Variants in CPHXL observed in about 807,000 individuals in gnomAD.
CPHXL encodes the protein cytoplasmic polyadenylated homeobox-like protein.
rs1959373111 is a variant in CPHXL, at chr16:75,715,201, C to A, written c.241G>T (p.Ala81Ser). The A allele has an allele frequency of 5.0e-6, 2 of 398,844 alleles. No homozygotes were observed. Among genetic ancestry groups the A allele is most frequent in the Non-Finnish European group, 8.8e-6 (2 of 226,200 alleles). 24.7% of individuals were successfully genotyped at this position (398,844 alleles called of 1,614,324 possible). A position where few individuals can be genotyped will look rare whatever the true frequency, so the allele number is the denominator to read the frequency against. ...VIDNWFQNKR[A>S]RLPPAERRRI... is the part of the protein sequence containing the mutation. The stretch of plus-strand genomic sequence containing the variant: ...CGTCTTTCTGCAGGTGGAAGTCTGG[C>A]TCTTTTATTCTGGAACCAATTCTAG... Residue 81 changes from alanine to serine, a missense_variant, in exon 3 of 3, where the codon GCC becomes TCC. Coordinates refer to ENST00000640559, the MANE Select transcript of CPHXL (RefSeq NM_001355613.1).
Position 75,714,903 on chromosome 16 carries a change from C to A in CPHXL, c.539G>T (p.Gly180Val), listed in dbSNP as rs1391782862. 2.5e-6 allele frequency: 1 copy of A among 398,426 alleles called. No individual in the cohort carries two copies. Among genetic ancestry groups the A allele is most frequent in the Non-Finnish European group, 4.4e-6 (1 of 226,064 alleles). 24.7% of individuals were successfully genotyped at this position (398,426 alleles called of 1,614,324 possible). A position where few individuals can be genotyped will look rare whatever the true frequency, so the allele number is the denominator to read the frequency against. ...GPQCSYLEKP[G>V]IPSQQVGSQC... ...GGAACCCACCTGTTGACTGGGAATC[C>A]CTGGTTTCTCCAGATAAGAGCACTG... is the stretch of plus-strand genomic sequence containing the variant. The change falls in exon 3 of 3, where the codon GGG becomes GTG. Residue 180 changes from glycine to valine, a missense_variant. Coordinates refer to ENST00000640559, the MANE Select transcript of CPHXL (RefSeq NM_001355613.1).
chr16:75,714,141 G>T lies in CPHXL; in HGVS notation c.*83C>A. ...GTGGGTGACTGTGGGCCTGACCTGC[G>T]ACTGTGTTTCTCTGACACTTAGCAC... On this transcript the variant is annotated 3_prime_UTR_variant, in exon 3 of 3. Transcript: ENST00000640559. 1 of 398,004 alleles carries T rather than the reference G, an allele frequency of 2.5e-6. No individual in the cohort carries two copies. The highest frequency in any genetic ancestry group is 1.4e-4 in the South Asian group (1 of 7,330). The allele number at this position is 398,004 out of a possible 1,614,324, so 24.7% of individuals were successfully genotyped here.
In CPHXL at chr16:75,722,530, C is replaced by T. The variant is rs1441951207; in HGVS notation, c.25+3888G>A. On this transcript the variant is annotated intron_variant, in intron 1 of 2. Transcript: ENST00000640559. The stretch of plus-strand genomic sequence containing the variant: ...GAAGAAATGGATAAATTCCTAGACA[C>T]ATACACCCTCCCAAGACTAAACCAG... 9.2e-5 allele frequency among the ~76,000 whole-genome samples: 14 copies of T among 152,184 alleles called. 1 individual carries two copies. The highest frequency in any genetic ancestry group is 9.2e-4 in the Admixed American group (14 of 15,276).
intron 1 of CPHXL, among the ~76,000 whole-genome samples, chr16:75,724,977 G>T (rs1243164664): frequency 6.6e-6 from 1 of 152,152 alleles, no homozygotes; most frequent in East Asian, 1.9e-4. Context: ...CCTTTGTAGG[G>T]ACATGGATGA....
intron 1 of CPHXL, among the ~76,000 whole-genome samples, chr16:75,722,761 T>C (rs574851832): frequency 7.7e-4 from 117 of 152,232 alleles, no homozygotes; most frequent in African/African-American, 1.8e-3. Flanking sequence ...ATGAGGCCAG[T>C]ATCATCCTGA....
At chr16:75,721,691 C>T (rs186340866) in intron 1 of CPHXL, among the ~76,000 whole-genome samples, 1 of 152,270 alleles carries the variant, frequency 6.6e-6, no homozygotes, top group Non-Finnish European at 1.5e-5. Context: ...TTAGAAAGAT[C>T]AATGAGACAG....
chr16:75,724,255 A>G (rs1959521765), intron 1 of CPHXL, among the ~76,000 whole-genome samples: 3 of 152,342 alleles, frequency 2.0e-5, no homozygotes, highest in African/African-American at 7.2e-5. Flanking sequence ...AATGGCAACG[A>G]AAGCCAAAAT....
chr16:75,722,992 AC>A, intron 1 of CPHXL, among the ~76,000 whole-genome samples: 1 of 152,248 alleles, frequency 6.6e-6, no homozygotes, highest in Non-Finnish European at 1.5e-5. Flanking sequence ...AGAACCAATG[AC>A]AAAAACCACA....
At position 75,715,080 on chromosome 16, in the gene CPHXL, G is replaced by T. The variant is rs1011931194; in HGVS notation, c.362C>A (p.Ala121Asp). The change falls in exon 3 of 3, where the codon GCC becomes GAC. Residue 121 changes from alanine to aspartate, a missense_variant. Coordinates refer to ENST00000640559, the MANE Select transcript of CPHXL (RefSeq NM_001355613.1). ...QETQAAAHNY[A>D]TKQSLSGAQR... The stretch of plus-strand genomic sequence containing the variant: ...GGCACCAGAGAGGCTCTGCTTGGTG[G>T]CATAGTTGTGAGCTGCAGCCTGGGT... The T allele has an allele frequency of 2.5e-6, 1 of 398,734 alleles. No individual in the cohort carries two copies. Among genetic ancestry groups the T allele is most frequent in the African/African-American group, 2.1e-5 (1 of 48,648 alleles). 24.7% of individuals were successfully genotyped at this position (398,734 alleles called of 1,614,324 possible). A position where few individuals can be genotyped will look rare whatever the true frequency, so the allele number is the denominator to read the frequency against.
chr16:75,721,238 A>C (rs1196080535), intron 1 of CPHXL, among the ~76,000 whole-genome samples: 1 of 152,200 alleles, frequency 6.6e-6, no homozygotes, highest in East Asian at 1.9e-4. Context: ...ACAGGATCAA[A>C]TTCACACATA....
intron 1 of CPHXL, among the ~76,000 whole-genome samples, chr16:75,720,260 T>G (rs922954666): frequency 1.3e-5 from 2 of 152,086 alleles, no homozygotes; most frequent in African/African-American, 4.8e-5. Context: ...GGAGAATGAC[T>G]TTGACGAGTT....
chr16:75,724,406 A>G (rs576517278), intron 1 of CPHXL, among the ~76,000 whole-genome samples: 1,747 of 152,336 alleles, frequency 0.011, 35 homozygotes, highest in African/African-American at 0.04. Context: ...AGAATCTACA[A>G]TGAACTCAAA....
intron 1 of CPHXL, among the ~76,000 whole-genome samples, chr16:75,724,435 A>G (rs1959524728): frequency 1.3e-5 from 2 of 150,188 alleles, no homozygotes; most frequent in Non-Finnish European, 3.0e-5. Flanking sequence ...CAAGAAAAAA[A>G]CAAACAACCC....
At chr16:75,722,178 C>T (rs982850356) in intron 1 of CPHXL, among the ~76,000 whole-genome samples, 13 of 152,126 alleles carry the variant, frequency 8.5e-5, no homozygotes, top group African/African-American at 3.1e-4. Flanking sequence ...GACACCCTAA[C>T]ATCACAATGA....
chr16:75,715,821 C>T (rs971447957), intron 2 of CPHXL, among the ~76,000 whole-genome samples: 2 of 151,966 alleles, frequency 1.3e-5, no homozygotes, highest in African/African-American at 4.8e-5. Flanking sequence ...CTCAGCCTCC[C>T]GAGTAGCTGG....
intron 2 of CPHXL, 42 bp from the exon 3 acceptor site, chr16:75,715,264 C>A: frequency 2.5e-6 from 1 of 398,654 alleles, no homozygotes; most frequent in Non-Finnish European, 4.4e-6. Context: ...CTCTACTTAT[C>A]TGAATATATT....
chr16:75,724,553 T>C (rs1188735213), intron 1 of CPHXL, among the ~76,000 whole-genome samples: 1 of 152,074 alleles, frequency 6.6e-6, no homozygotes, highest in Non-Finnish European at 1.5e-5. Context: ...ATCAGAGAAA[T>C]GCAAATCAAA....
At chr16:75,716,388 T>A (rs925015419) in intron 2 of CPHXL, among the ~76,000 whole-genome samples, 1 of 152,212 alleles carries the variant, frequency 6.6e-6, no homozygotes, top group African/African-American at 2.4e-5. Flanking sequence ...TGGCTTCAGG[T>A]CAGGGCTCCT....
rs35659823 is a variant in CPHXL at position 75,725,753 on chromosome 16, C to CTTTTTTTTTTTTTTT, written c.25+650_25+664dup. ...AGGAGTGAGCCACCGTGCCCGGCGT[C>CTTTTTTTTTTTTTTT]TTTTTTTTTTTTTTTTTTTTTTTTT... On this transcript the variant is annotated intron_variant, in intron 1 of 2. Coordinates refer to ENST00000640559, the MANE Select transcript of CPHXL (RefSeq NM_001355613.1). Among the ~76,000 whole-genome samples, 87 of 43,312 alleles carry CTTTTTTTTTTTTTTT rather than the reference C, an allele frequency of 2.0e-3. 10 individuals carry two copies. Among genetic ancestry groups the CTTTTTTTTTTTTTTT allele is most frequent in the East Asian group, 0.012 (7 of 588 alleles). 28.4% of individuals were successfully genotyped at this position (43,312 alleles called of 152,430 possible). A position where few individuals can be genotyped will look rare whatever the true frequency, so the allele number is the denominator to read the frequency against.
Sources: allele counts gnomAD v4.1 joint callset (sites outside exome capture counted in the v4.1 genomes callset), GRCh38; gene constraint gnomAD v4.1.1; transcripts MANE v1.5; gene names NCBI Gene and HGNC (gene_info 2026-07-23, HGNC 2026-07-21).